MEOX2: variants seen among roughly 807,000 people sequenced by gnomAD.
MEOX2 encodes the protein mesenchyme homeobox 2.
A neutral mutation model predicts 27.0 loss-of-function variants in MEOX2; 11 were observed. That is an observed-to-expected ratio of 0.41 (90% confidence interval 0.26 to 0.68). The LOEUF is 0.68. Ranked by LOEUF, MEOX2 falls within the 30% of genes least tolerant of loss-of-function variation. The pLI is 0.33. For synonymous variants in MEOX2, 189 were observed against 155.4 expected, an observed-to-expected ratio of 1.22 and a Z score of -1.61; for missense variants, 436 against 385.4, an observed-to-expected ratio of 1.13 and a Z score of -1.10.
chr7:15,648,152 G>A (rs375797632), intron 1 of MEOX2, among the ~76,000 whole-genome samples: 2 of 151,840 alleles, frequency 1.3e-5, no homozygotes, highest in Non-Finnish European at 2.9e-5. Flanking sequence ...CAAGCTTTAC[G>A]TGTTTTACAT....
At position 15,617,681 on chromosome 7, in the gene MEOX2, G is replaced by T. The variant is rs80131614; in HGVS notation, c.691-5070C>A. ...GGTGTTTGTGTGTGTTGGGGAGGCT[G>T]TGGAGGGTTAGGATATACTTCATAA... is the stretch of plus-strand genomic sequence containing the variant. On this transcript the variant is annotated intron_variant, in intron 2 of 2. Transcript: ENST00000262041. Among the ~76,000 whole-genome samples, 1,001 of 152,084 alleles carry T rather than the reference G, an allele frequency of 6.6e-3. 10 individuals are homozygous for T. The highest frequency in any genetic ancestry group is 0.023 in the African/African-American group (949 of 41,544).
intron 1 of MEOX2, among the ~76,000 whole-genome samples, chr7:15,663,494 G>A (rs998592419): frequency 1.8e-5 from 2 of 110,638 alleles, no homozygotes; most frequent in Non-Finnish European, 3.8e-5. Flanking sequence ...CACCACACCC[G>A]GCTAATTTTT....
At chr7:15,655,876 T>C (rs980333643) in intron 1 of MEOX2, among the ~76,000 whole-genome samples, 1 of 151,812 alleles carries the variant, frequency 6.6e-6, no homozygotes, top group Non-Finnish European at 1.5e-5. Context: ...TGTTGGTTTA[T>C]GGTGTTGTTA....
intron 1 of MEOX2, among the ~76,000 whole-genome samples, chr7:15,685,148 A>C (rs1388350799): frequency 1.3e-5 from 2 of 152,224 alleles, no homozygotes; most frequent in African/African-American, 4.8e-5. Flanking sequence ...CCACTTTTGA[A>C]ACTTAGGTTC....
intron 1 of MEOX2, chr7:15,681,501 T>C (rs1782291338): frequency 6.6e-6 from 1 of 151,928 alleles, no homozygotes; most frequent in African/African-American, 2.4e-5. Flanking sequence ...ATTATTTCAT[T>C]ACATATGGAA....
intron 1 of MEOX2, among the ~76,000 whole-genome samples, chr7:15,650,855 G>A (rs942695738): frequency 6.6e-6 from 1 of 152,010 alleles, no homozygotes; most frequent in Non-Finnish European, 1.5e-5. Flanking sequence ...AGAGGCACTC[G>A]ATCTGCCTGC....
chr7:15,677,516 T>C (rs992671449), intron 1 of MEOX2: 3 of 152,162 alleles, frequency 2.0e-5, no homozygotes, highest in African/African-American at 4.8e-5. Flanking sequence ...GTTTGATCAA[T>C]GGAAGCAACA....
intron 1 of MEOX2, among the ~76,000 whole-genome samples, chr7:15,627,346 T>A (rs1444816688): frequency 6.6e-6 from 1 of 152,060 alleles, no homozygotes. Context: ...TTTGAGAAAT[T>A]CAAACGTTTA....
At chr7:15,656,529 T>G (rs1249265992) in intron 1 of MEOX2, among the ~76,000 whole-genome samples, 3 of 151,876 alleles carry the variant, frequency 2.0e-5, no homozygotes, top group Non-Finnish European at 4.4e-5. Flanking sequence ...TCTTTGATGT[T>G]GTGCTGGATA....
At chr7:15,660,386 A>G (rs913577413) in intron 1 of MEOX2, among the ~76,000 whole-genome samples, 4 of 152,204 alleles carry the variant, frequency 2.6e-5, no homozygotes, top group African/African-American at 9.7e-5. Flanking sequence ...CCTGAAGAAT[A>G]GAAACCTGAC....
At chr7:15,680,303 T>C (rs1213096610) in intron 1 of MEOX2, 1 of 151,946 alleles carries the variant, frequency 6.6e-6, no homozygotes, top group African/African-American at 2.4e-5. Flanking sequence ...AAATACTATC[T>C]AGTACAACAT....
At chr7:15,623,793 C>T (rs1781254537) in intron 2 of MEOX2, among the ~76,000 whole-genome samples, 1 of 152,238 alleles carries the variant, frequency 6.6e-6, no homozygotes, top group Admixed American at 6.5e-5. Flanking sequence ...AATACAATTA[C>T]ATCATTCCTC....
chr7:15,659,388 T>A (rs1030311685), intron 1 of MEOX2, among the ~76,000 whole-genome samples: 3 of 152,166 alleles, frequency 2.0e-5, no homozygotes, highest in Non-Finnish European at 4.4e-5. Flanking sequence ...GGTGTGTGCA[T>A]ATAAAATGAA....
chr7:15,677,025 A>T (rs2115394962), intron 1 of MEOX2, among the ~76,000 whole-genome samples: 1 of 152,290 alleles, frequency 6.6e-6, no homozygotes, highest in Admixed American at 6.5e-5. Flanking sequence ...TGGGAAAGGC[A>T]ACTTGAGCCT....
At chr7:15,648,770 T>A (rs538471473) in intron 1 of MEOX2, among the ~76,000 whole-genome samples, 22 of 152,068 alleles carry the variant, frequency 1.4e-4, no homozygotes, top group Admixed American at 5.2e-4. Flanking sequence ...CGCTTCAGAA[T>A]CTGAATCAAG....
intron 2 of MEOX2, among the ~76,000 whole-genome samples, chr7:15,621,769 A>T (rs943859168): frequency 6.6e-6 from 1 of 152,154 alleles, no homozygotes; most frequent in Non-Finnish European, 1.5e-5. Context: ...ATGTCTAAAG[A>T]CTAGTTCTGA....
At chr7:15,647,155 T>C (rs958823061) in intron 1 of MEOX2, among the ~76,000 whole-genome samples, 4 of 152,092 alleles carry the variant, frequency 2.6e-5, no homozygotes, top group African/African-American at 9.7e-5. Flanking sequence ...CTAAGTACAT[T>C]TGTTTTTGAT....
chr7:15,617,515 T>C (rs1048175665), intron 2 of MEOX2, among the ~76,000 whole-genome samples: 1 of 151,970 alleles, frequency 6.6e-6, no homozygotes, highest in African/African-American at 2.4e-5. Flanking sequence ...AAAGTAAAGG[T>C]GAAAAATGGG....
chr7:15,631,673 T>C (rs1302861441), intron 1 of MEOX2, among the ~76,000 whole-genome samples: 4 of 151,842 alleles, frequency 2.6e-5, no homozygotes, highest in Admixed American at 2.6e-4. Flanking sequence ...GCATCAGTAT[T>C]TAGCAATAGC....
Sources: gnomAD v4.1 joint callset for allele counts (sites outside exome capture counted in the v4.1 genomes callset) on GRCh38, gnomAD v4.1.1 for gene constraint, MANE v1.5 for transcripts, NCBI Gene and HGNC (gene_info 2026-07-23, HGNC 2026-07-21) for gene names.